COL6A3: variants seen among roughly 807,000 people sequenced by gnomAD.
The protein encoded by COL6A3 is collagen alpha-3(VI) chain.
COL6A3 carries 137 observed loss-of-function variants against 274.1 expected under a neutral mutation model. That is an observed-to-expected ratio of 0.50 (90% CI 0.44 to 0.58). The LOEUF (loss-of-function observed/expected upper bound fraction) is 0.58, where lower values mean the gene tolerates loss of function less well. Among genes scored for constraint, COL6A3 ranks in the 20% least tolerant of loss-of-function variants. The pLI is 0.00. For missense variants in COL6A3, 3,950 were observed against 4,124.9 expected (o/e 0.96, Z 1.16); for synonymous variants, 1,650 against 1,650.6 (o/e 1.00, Z 0.01).
intron 1 of COL6A3, among the ~76,000 whole-genome samples, chr2:237,408,062 G>A (rs921581053): frequency 1.3e-5 from 2 of 152,128 alleles, no homozygotes; most frequent in African/African-American, 2.4e-5. Context: ...TGGCTGAAAG[G>A]TGCTCTCTTT....
chr2:237,372,494 G>T (rs1376119093), intron 8 of COL6A3, among the ~76,000 whole-genome samples, 157 bp from the exon 9 acceptor site: 9 of 152,230 alleles, frequency 5.9e-5, no homozygotes, highest in Non-Finnish European at 4.4e-5. Context: ...GGGCATTTCA[G>T]TGTTTACACA....
At position 237,367,034 on chromosome 2, in the gene COL6A3, T is replaced by C. The variant is rs1309408538; in HGVS notation, c.5153A>G (p.Asn1718Ser). The C allele has an allele frequency of 6.2e-7, 1 of 1,614,246 alleles. No homozygotes were observed. Among genetic ancestry groups the C allele is most frequent in the Non-Finnish European group, 8.5e-7 (1 of 1,180,048 alleles). ...CAGGTGCTCAAGGCCCACCTTAGTG[T>C]TGGCGTGTCTTCCCCCTTTGTAGAC... is the stretch of plus-strand genomic sequence containing the variant. ...KVVYKGGRHANTKVGLEHLRV... is the reference protein window; with the variant it reads ...KVVYKGGRHASTKVGLEHLRV... The change falls in exon 11 of 44, where the codon AAC becomes AGC. Residue 1718 changes from asparagine to serine, a missense_variant. Physicochemically the swap from Asn to Ser is conservative, Grantham distance 46. Around this residue, in one of 5 missense-constraint regions of COL6A3, gnomAD observed 632 missense variants for 623.4 expected, o/e 1.01. Coordinates refer to ENST00000295550, the MANE Select transcript of COL6A3 (RefSeq NM_004369.4).
chr2:237,406,680 C>T (rs142308530), intron 1 of COL6A3, among the ~76,000 whole-genome samples: 24 of 151,314 alleles, frequency 1.6e-4, no homozygotes, highest in South Asian at 6.2e-4. Context: ...AAGGAGTCCC[C>T]GTTCTTTTCC....
rs1559203170 is a variant in COL6A3, at chr2:237,342,131, C to A, written c.7699G>T (p.Val2567Phe). 2 of 1,614,222 alleles carry A rather than the reference C, an allele frequency of 1.2e-6. No homozygotes were observed. Among genetic ancestry groups the A allele is most frequent in the East Asian group, 4.5e-5 (2 of 44,890 alleles). Residue 2567 changes from valine (V) to phenylalanine (F), a missense_variant, in exon 37 of 44, where the codon GTC (valine) becomes TTC (phenylalanine). By Grantham distance (50) the Val-to-Phe change is conservative (BLOSUM62 -1). Coordinates refer to ENST00000295550, the MANE Select transcript of COL6A3 (RefSeq NM_004369.4). Reference protein sequence around the residue: ...INNTAVGHALVLPAGRDLTDF... With the variant: ...INNTAVGHALFLPAGRDLTDF... ...GTGAGGTCTCTCCCTGCAGGCAGGA[C>A]AAGCGCATGCCCCACTGCTGTGTTA...
At chr2:237,354,804 T>A (rs2077281735) in intron 24 of COL6A3, 95 bp downstream of exon 24, 2 of 1,060,296 alleles carry the variant, frequency 1.9e-6, no homozygotes, top group Non-Finnish European at 2.7e-6. Context: ...TCTCCGAAGC[T>A]TTGGGTTCAC....
Position 237,340,710 on chromosome 2 carries a change from G to T in COL6A3, c.8206C>A (p.Leu2736Met). Residue 2736 changes from leucine (L) to methionine (M), a missense_variant, in exon 38 of 44, where the codon CTG (leucine) becomes ATG (methionine). Leu to Met is a conservative substitution (Grantham distance 15). Transcript: ENST00000295550. ...GTCAGCATCAGGACCACAATTTTCA[G>T]GTCCCGTGGGTTTGGGGCACTTTCA... ...VFESAPNPRD[L>M]KIVVLMLTGE... The T allele has an allele frequency of 6.2e-7, 1 of 1,614,174 alleles. No individual in the cohort carries two copies.
At chr2:237,394,209 G>C (rs2078366836) in intron 3 of COL6A3, among the ~76,000 whole-genome samples, 1 of 152,174 alleles carries the variant, frequency 6.6e-6, no homozygotes, top group African/African-American at 2.4e-5. Context: ...CTCTCCAACA[G>C]GGAGCTTTCC....
chr2:237,339,169 A>C (rs1256415677), intron 38 of COL6A3, 52 bp from the exon 39 acceptor site: 1 of 1,268,698 alleles, frequency 7.9e-7, no homozygotes, highest in South Asian at 1.2e-5. Context: ...ATAACATGAA[A>C]ATTAAAATTA....
In COL6A3 at chr2:237,324,609, T is replaced by A; in HGVS notation, c.*165A>T. 1 of 683,832 alleles carries A rather than the reference T, an allele frequency of 1.5e-6. No individual in the cohort carries two copies. Among genetic ancestry groups the A allele is most frequent in the Non-Finnish European group, 2.6e-6 (1 of 379,732 alleles). 42.4% of individuals were successfully genotyped at this position (683,832 alleles called of 1,614,324 possible). A position where few individuals can be genotyped will look rare whatever the true frequency, so the allele number is the denominator to read the frequency against. On this transcript the variant is annotated 3_prime_UTR_variant, in exon 44 of 44. Transcript: ENST00000295550. ...AGGGTCCACAGACACATTAGCACCA[T>A]ACTGATAGGTCATGCAGCAGGATGT...
At chr2:237,347,300 C>T (rs1446600361) in intron 31 of COL6A3, among the ~76,000 whole-genome samples, 3 of 152,106 alleles carry the variant, frequency 2.0e-5, no homozygotes, top group Non-Finnish European at 2.9e-5. Context: ...CACACACACA[C>T]ACACACAAAG....
chr2:237,394,090 C>G (rs561914776), intron 3 of COL6A3, among the ~76,000 whole-genome samples: 1 of 152,084 alleles, frequency 6.6e-6, no homozygotes, highest in Non-Finnish European at 1.5e-5. Context: ...CTTGTAATTC[C>G]GATTCTACCA....
chr2:237,368,245 A>G lies in COL6A3; in HGVS notation c.4900+318T>C, dbSNP rs1419862481. On this transcript the variant is annotated intron_variant, in intron 10 of 43. Coordinates refer to ENST00000295550, the MANE Select transcript of COL6A3 (RefSeq NM_004369.4). This position sits in a 1 kb window ranked among gnomAD's most constrained non-coding sequence, Gnocchi z 4.4. The stretch of plus-strand genomic sequence containing the variant: ...GTAGGCATGGGCCAACTTCAAAGTC[A>G]CATTCAGTGGGGCATGGACTGGCTG... Among the ~76,000 whole-genome samples, 1 of 152,224 alleles carries G rather than the reference A, an allele frequency of 6.6e-6. No homozygotes were observed. The highest frequency in any genetic ancestry group is 1.5e-5 in the Non-Finnish European group (1 of 68,042).
chr2:237,354,918 C>T lies in COL6A3; in HGVS notation c.6608G>A (p.Arg2203Lys). ...GCTCACCTTAGCTCCGGGGGGTCCC[C>T]TTCGGCCAAAGCCACCCTGTGGAAG... ...ETGKNGGFGR[R>K]GPPGAKGNKG... Residue 2203 changes from arginine (R) to lysine (K), a missense_variant, in exon 24 of 44, where the codon AGG (arginine) becomes AAG (lysine). Coordinates refer to ENST00000295550, the MANE Select transcript of COL6A3 (RefSeq NM_004369.4). The T allele has an allele frequency of 6.2e-7, 1 of 1,613,930 alleles. No homozygotes were observed. The highest frequency in any genetic ancestry group is 8.5e-7 in the Non-Finnish European group (1 of 1,179,924).
intron 4 of COL6A3, among the ~76,000 whole-genome samples, chr2:237,387,350 T>A (rs2078169117): frequency 6.6e-6 from 1 of 152,206 alleles, no homozygotes; most frequent in Non-Finnish European, 1.5e-5. Context: ...GCACGCTTTC[T>A]CAGCAACTCA....
In COL6A3 at chr2:237,376,860, C is replaced by G; in HGVS notation, c.2982G>C (p.Leu994=). ...CAATCTTGGGAAGCGACTCTGCAGC[C>G]AGGATAAACGCTGGAGACAGCACGA... is the stretch of plus-strand genomic sequence containing the variant. ...EQIVLSPAFI[L]AAESLPKIGD... The change falls in exon 7 of 44, where the codon CTG becomes CTC. Residue 994 remains leucine (L), a synonymous_variant. Coordinates refer to ENST00000295550, the MANE Select transcript of COL6A3 (RefSeq NM_004369.4). 6.2e-7 allele frequency: 1 copy of G among 1,614,198 alleles called. No homozygotes were observed. The highest frequency in any genetic ancestry group is 8.5e-7 in the Non-Finnish European group (1 of 1,180,044).
At position 237,374,512 on chromosome 2, in the gene COL6A3, C is replaced by A. The variant is rs772660737; in HGVS notation, c.3579G>T (p.Gln1193His). ...DFAVAIPTFR[Q>H]LGTVQQVISE... ...AGATGACCTGTTGGACGGTCCCCAG[C>A]TGGCGAAAGGTGGGAATGGCCACGG... is the stretch of plus-strand genomic sequence containing the variant. The change falls in exon 8 of 44, where the codon CAG becomes CAT. Residue 1193 changes from glutamine (Q) to histidine (H), a missense_variant. Coordinates refer to ENST00000295550, the MANE Select transcript of COL6A3 (RefSeq NM_004369.4). The surrounding 1 kb of genome is among the most constrained non-coding windows in gnomAD (Gnocchi z 4.8). 7 of 1,614,068 alleles carry A rather than the reference C, an allele frequency of 4.3e-6. No individual in the cohort carries two copies. Among genetic ancestry groups the A allele is most frequent in the African/African-American group, 2.7e-5 (2 of 74,940 alleles).
At chr2:237,402,215 T>C (rs1300393531) in intron 1 of COL6A3, among the ~76,000 whole-genome samples, 34 of 152,160 alleles carry the variant, frequency 2.2e-4, no homozygotes, top group Non-Finnish European at 1.2e-4. Context: ...GTGTTGGCCA[T>C]GGGCTGTCAG....
In COL6A3 at chr2:237,374,265, C is replaced by T. The variant is rs1288432724; in HGVS notation, c.3679+147G>A. 3.7e-6 allele frequency: 4 copies of T among 1,094,178 alleles called. No homozygotes were observed. Among genetic ancestry groups the T allele is most frequent in the African/African-American group, 3.1e-5 (2 of 65,056 alleles). 67.8% of individuals were successfully genotyped at this position (1,094,178 alleles called of 1,614,324 possible). On this transcript the variant is annotated intron_variant, in intron 8 of 43. Coordinates refer to ENST00000295550, the MANE Select transcript of COL6A3 (RefSeq NM_004369.4). The surrounding 1 kb of genome is among the most constrained non-coding windows in gnomAD (Gnocchi z 4.8). ...TTCTGCCCATCGAGGCCAAAAAGGGCATGTGGGTTCCTAAATTTTCCTGTA... is the reference window on the plus strand; with the variant it reads ...TTCTGCCCATCGAGGCCAAAAAGGGTATGTGGGTTCCTAAATTTTCCTGTA...
intron 1 of COL6A3, among the ~76,000 whole-genome samples, chr2:237,403,382 AC>A (rs1252011848): frequency 6.6e-6 from 1 of 152,102 alleles, no homozygotes; most frequent in African/African-American, 2.4e-5. Context: ...AAAAAGTACC[AC>A]CTGTGATGAA....
Sources: gnomAD v4.1 joint callset for allele counts (sites outside exome capture counted in the v4.1 genomes callset) on GRCh38, gnomAD v4.1.1 for gene constraint, gnomAD v4.1.1 regional missense constraint, Gnocchi (gnomAD v3.1) non-coding constraint, MANE v1.5 for transcripts, NCBI Gene and HGNC (gene_info 2026-07-23, HGNC 2026-07-21) for gene names.